The following TMEM217B variants were observed in gnomAD, a reference collection of about 807,000 sequenced individuals.
TMEM217B encodes transmembrane protein 217B.
At chr6:37,224,977 G>A in the TMEM217B span, among the ~76,000 whole-genome samples, 3 of 149,818 alleles carry the variant, frequency 2.0e-5, no homozygotes, top group Non-Finnish European at 4.4e-5. Context: ...ACAGGAGTTC[G>A]AAACCAACCT....
At chr6:37,229,531 A>G in the TMEM217B span, among the ~76,000 whole-genome samples, 1 of 151,290 alleles carries the variant, frequency 6.6e-6, no homozygotes, top group Non-Finnish European at 1.5e-5. Context: ...TTTAGTAGAA[A>G]CGGGGTTTCA....
chr6:37,219,873 T>G, the TMEM217B span, among the ~76,000 whole-genome samples: 7 of 152,146 alleles, frequency 4.6e-5, no homozygotes, highest in African/African-American at 7.2e-5. Context: ...AAGAACCCTG[T>G]TGGGTGGAGA....
chr6:37,246,638 C>G, the TMEM217B span, among the ~76,000 whole-genome samples: 1 of 152,114 alleles, frequency 6.6e-6, no homozygotes, highest in South Asian at 2.1e-4. Flanking sequence ...CATGGTGGTT[C>G]ACGTCTGTAA....
At chr6:37,256,743 G>A in the TMEM217B span, among the ~76,000 whole-genome samples, 1 of 144,470 alleles carries the variant, frequency 6.9e-6, no homozygotes, top group Non-Finnish European at 1.5e-5. Flanking sequence ...GTAAATGGAG[G>A]GTGGGGGTGG....
the TMEM217B span, among the ~76,000 whole-genome samples, chr6:37,227,804 A>G: frequency 6.6e-6 from 1 of 151,916 alleles, no homozygotes; most frequent in African/African-American, 2.4e-5. Flanking sequence ...CATCTGACTT[A>G]CATGCTTACG....
chr6:37,222,826 G>T, the TMEM217B span, among the ~76,000 whole-genome samples: 1 of 152,220 alleles, frequency 6.6e-6, no homozygotes, highest in African/African-American at 2.4e-5. Context: ...AAGGGGCCGG[G>T]CTTCCACCGG....
chr6:37,244,781 CT>C, the TMEM217B span, among the ~76,000 whole-genome samples: 1 of 152,182 alleles, frequency 6.6e-6, no homozygotes, highest in Non-Finnish European at 1.5e-5. Flanking sequence ...CTGGGCTGGG[CT>C]GAGCTGAGCT....
the TMEM217B span, chr6:37,257,831 T>G: frequency 6.8e-7 from 1 of 1,478,276 alleles, no homozygotes; most frequent in Non-Finnish European, 9.2e-7. Context: ...GGAAGCGGCC[T>G]GGGTTGGCCC....
the TMEM217B span, among the ~76,000 whole-genome samples, chr6:37,246,619 C>T: frequency 6.6e-6 from 1 of 152,070 alleles, no homozygotes; most frequent in East Asian, 1.9e-4. Context: ...AGACATTTCT[C>T]AGGCTGGGCA....
the TMEM217B span, among the ~76,000 whole-genome samples, chr6:37,225,935 A>G: frequency 6.6e-6 from 1 of 152,126 alleles, no homozygotes; most frequent in African/African-American, 2.4e-5. Context: ...GACCTACCCT[A>G]TCAGCCGTGG....
At chr6:37,231,895 CCTGA>C in the TMEM217B span, among the ~76,000 whole-genome samples, 1 of 151,236 alleles carries the variant, frequency 6.6e-6, no homozygotes, top group Non-Finnish European at 1.5e-5. Context: ...CCTAGGTCTT[CCTGA>C]CTGTGTGGCT....
At chr6:37,241,745 T>C in the TMEM217B span, among the ~76,000 whole-genome samples, 1 of 152,206 alleles carries the variant, frequency 6.6e-6, no homozygotes, top group Non-Finnish European at 1.5e-5. Context: ...ACATTTTGTA[T>C]ATATATAAGC....
the TMEM217B span, among the ~76,000 whole-genome samples, chr6:37,255,686 A>T: frequency 6.6e-6 from 1 of 151,108 alleles, no homozygotes; most frequent in Admixed American, 6.6e-5. Flanking sequence ...CTGGTCTCAA[A>T]AAAAAAAAAA....
the TMEM217B span, chr6:37,258,053 G>A: frequency 6.6e-7 from 1 of 1,516,630 alleles, no homozygotes. Flanking sequence ...GCGGGCCTGG[G>A]GCGCCACAGA....
the TMEM217B span, among the ~76,000 whole-genome samples, chr6:37,253,823 C>T: frequency 6.6e-6 from 1 of 152,202 alleles, no homozygotes; most frequent in Non-Finnish European, 1.5e-5. Context: ...TCAGGCCTTT[C>T]TCTTTCCTTT....
At chr6:37,239,947 TA>T in the TMEM217B span, among the ~76,000 whole-genome samples, 2 of 150,804 alleles carry the variant, frequency 1.3e-5, no homozygotes, top group African/African-American at 4.9e-5. Context: ...ACTCAAACAA[TA>T]GTAGTTTAAA....
chr6:37,239,583 A>G, the TMEM217B span, among the ~76,000 whole-genome samples: 1,035 of 152,312 alleles, frequency 6.8e-3, 18 homozygotes, highest in African/African-American at 0.024. Flanking sequence ...AGTGGTACCT[A>G]AGATAATGAT....
chr6:37,220,403 G>C, the TMEM217B span, among the ~76,000 whole-genome samples: 1 of 152,132 alleles, frequency 6.6e-6, no homozygotes, highest in Non-Finnish European at 1.5e-5. Context: ...ATCCCCAAAG[G>C]CCTACGATTA....
chr6:37,237,037 A>G, the TMEM217B span, among the ~76,000 whole-genome samples: 1 of 152,312 alleles, frequency 6.6e-6, no homozygotes, highest in Admixed American at 6.5e-5. Flanking sequence ...AGCAAGCCAG[A>G]TGGAAGCTGT....
Sources: gnomAD v4.1 joint callset for allele counts (sites outside exome capture counted in the v4.1 genomes callset) on GRCh38, gnomAD v4.1.1 for gene constraint, MANE v1.5 for transcripts, NCBI Gene and HGNC (gene_info 2026-07-23, HGNC 2026-07-21) for gene names.